PARD3: variants seen among roughly 807,000 people sequenced by gnomAD.
PARD3 encodes the protein partitioning defective 3 homolog.
PARD3 carries 75 observed loss-of-function variants against 155.4 expected under a neutral mutation model. The observed-to-expected ratio is 0.48, with a 90% CI of 0.40 to 0.58. The LOEUF is 0.58. Among genes scored for constraint, PARD3 ranks in the 20% least tolerant of loss-of-function variants. PARD3 has a pLI of 0.00. For synonymous variants in PARD3, 576 were observed against 610.5 expected (o/e 0.94, Z 0.83); for missense variants, 1,642 against 1,721.7 (o/e 0.95, Z 0.82).
At chr10:34,649,928 G>GAC (rs138875561) in intron 2 of PARD3, among the ~76,000 whole-genome samples, 4,131 of 150,050 alleles carry the variant, frequency 0.028, 195 homozygotes, top group African/African-American at 0.095. Flanking sequence ...GAAAAACTAA[G>GAC]ACACACACAC....
intron 22 of PARD3, among the ~76,000 whole-genome samples, chr10:34,265,770 T>A (rs910628184): frequency 1.4e-4 from 21 of 152,304 alleles, no homozygotes; most frequent in African/African-American, 4.6e-4. Flanking sequence ...GAAGGCACGA[T>A]GGAATGCTAT....
intron 22 of PARD3, among the ~76,000 whole-genome samples, chr10:34,217,546 T>A (rs1204502754): frequency 1.3e-5 from 2 of 151,914 alleles, no homozygotes; most frequent in Non-Finnish European, 2.9e-5. Flanking sequence ...GGGGGGCCGG[T>A]GTGTCAAGTG....
At position 34,479,160 on chromosome 10, in the gene PARD3, ATT is replaced by A. The variant is rs571846177; in HGVS notation, c.404-8899_404-8898del. On this transcript the variant is annotated intron_variant, in intron 3 of 24. Transcript: ENST00000374788. ...AGATTCTATGATTAGCTCAAATTTA[ATT>A]TTTTTTTTTTTTTTTTTGAGACAGA... Among the ~76,000 whole-genome samples the A allele has an allele frequency of 9.5e-4, 125 of 131,742 alleles. 1 individual carries two copies. The highest frequency in any genetic ancestry group is 8.2e-3 in the South Asian group (34 of 4,164). The allele number at this position is 131,742 out of a possible 152,430, so 86.4% of individuals were successfully genotyped here.
In PARD3 at chr10:34,211,735, G is replaced by C. The variant is rs541154968; in HGVS notation, c.3419+57922C>G. ...GCGGAGATTGCAGTGAGCCGAGATCGAGCCACTGCACTCCAGCCTGGGTGA... is the reference window on the plus strand; with the variant it reads ...GCGGAGATTGCAGTGAGCCGAGATCCAGCCACTGCACTCCAGCCTGGGTGA... On this transcript the variant is annotated intron_variant, in intron 22 of 24. Coordinates refer to ENST00000374788, the MANE Select transcript of PARD3 (RefSeq NM_001184785.2). Among the ~76,000 whole-genome samples, 6 of 151,934 alleles carry C rather than the reference G, an allele frequency of 3.9e-5. No homozygotes were observed. The South Asian group carries it at 1.3e-3, about 32-fold the overall frequency.
intron 22 of PARD3, among the ~76,000 whole-genome samples, chr10:34,228,389 C>T (rs922055027): frequency 2.0e-5 from 3 of 151,790 alleles, no homozygotes; most frequent in Admixed American, 6.6e-5. Flanking sequence ...CGTGTACCCC[C>T]GAACCAAAAC....
At chr10:34,511,126 A>G (rs747550762) in intron 3 of PARD3, among the ~76,000 whole-genome samples, 1 of 152,206 alleles carries the variant, frequency 6.6e-6, no homozygotes, top group Non-Finnish European at 1.5e-5. Flanking sequence ...CATTTGTCTT[A>G]CACAGTTTCC....
intron 3 of PARD3, among the ~76,000 whole-genome samples, chr10:34,477,558 T>C (rs1237436779): frequency 6.6e-6 from 1 of 152,186 alleles, no homozygotes; most frequent in African/African-American, 2.4e-5. Context: ...AGGTGCCTTT[T>C]AAATAAGTGG....
intron 15 of PARD3, among the ~76,000 whole-genome samples, chr10:34,342,682 A>G (rs769119057): frequency 6.6e-6 from 1 of 152,198 alleles, no homozygotes; most frequent in Non-Finnish European, 1.5e-5. Flanking sequence ...CACAAGCGTG[A>G]AGGATTTTTA....
intron 1 of PARD3, among the ~76,000 whole-genome samples, chr10:34,739,443 T>A (rs186355857): frequency 2.3e-4 from 35 of 152,260 alleles, no homozygotes; most frequent in African/African-American, 8.2e-4. Context: ...TACTGAGGAA[T>A]CCAGCAAGAT....
chr10:34,500,899 C>A (rs965504035), intron 3 of PARD3, among the ~76,000 whole-genome samples: 12 of 152,146 alleles, frequency 7.9e-5, no homozygotes, highest in Non-Finnish European at 1.5e-4. Context: ...TCCTAACATG[C>A]ACAATATTCA....
chr10:34,672,588 C>G (rs536469099), intron 2 of PARD3, among the ~76,000 whole-genome samples: 32 of 152,166 alleles, frequency 2.1e-4, no homozygotes, highest in Non-Finnish European at 4.1e-4. Context: ...GAGGCCAAGG[C>G]AGGAGGACTG....
intron 24 of PARD3, among the ~76,000 whole-genome samples, chr10:34,117,217 C>A (rs557781621): frequency 6.6e-6 from 1 of 152,162 alleles, no homozygotes; most frequent in Non-Finnish European, 1.5e-5. Context: ...CTCCTTCAAT[C>A]CTTAGAGACA....
chr10:34,113,604 G>C (rs1946510148), intron 24 of PARD3, among the ~76,000 whole-genome samples: 1 of 152,128 alleles, frequency 6.6e-6, no homozygotes, highest in South Asian at 2.1e-4. Flanking sequence ...ATTAAGGAGA[G>C]AATGAGAAAT....
At chr10:34,591,728 A>G (rs2088706812) in intron 2 of PARD3, among the ~76,000 whole-genome samples, 1 of 152,208 alleles carries the variant, frequency 6.6e-6, no homozygotes, top group Admixed American at 6.5e-5. Flanking sequence ...CTCAAGGAGC[A>G]AAAAGAAACT....
At chr10:34,620,066 G>A (rs2091548971) in intron 2 of PARD3, among the ~76,000 whole-genome samples, 1 of 152,130 alleles carries the variant, frequency 6.6e-6, no homozygotes, top group Non-Finnish European at 1.5e-5. Flanking sequence ...CTCTCATGGA[G>A]TTAAAAATAA....
chr10:34,482,032 C>CT (rs58877037), intron 3 of PARD3, among the ~76,000 whole-genome samples: 5,744 of 101,508 alleles, frequency 0.057, 271 homozygotes, highest in African/African-American at 0.065. Context: ...TAATTTTTAT[C>CT]TTTTTTTTTT....
chr10:34,157,254 C>T (rs1168482743), intron 22 of PARD3, among the ~76,000 whole-genome samples: 2 of 152,180 alleles, frequency 1.3e-5, no homozygotes, highest in African/African-American at 4.8e-5. Flanking sequence ...GAGTCAGATG[C>T]ATCCACACAT....
At chr10:34,493,593 G>T (rs2133347139) in intron 3 of PARD3, among the ~76,000 whole-genome samples, 1 of 152,042 alleles carries the variant, frequency 6.6e-6, no homozygotes, top group South Asian at 2.1e-4. Context: ...TTAGCTGGCT[G>T]TGGTGACAGG....
At position 34,417,799 on chromosome 10, in the gene PARD3, A is replaced by T. The variant is rs967394355; in HGVS notation, c.715-15882T>A. On this transcript the variant is annotated intron_variant, in intron 5 of 24. Coordinates refer to ENST00000374788, the MANE Select transcript of PARD3 (RefSeq NM_001184785.2). ...CAAAGAGAAATACCCTTCCTTAACC[A>T]AATTACCAATGTGATTTTATAAAAA... Among the ~76,000 whole-genome samples the T allele has an allele frequency of 4.6e-5, 7 of 152,326 alleles. 1 individual carries two copies. In the Middle Eastern group the frequency reaches 0.014, roughly 296 times the overall value.
Sources: allele counts gnomAD v4.1 joint callset (sites outside exome capture counted in the v4.1 genomes callset), GRCh38; gene constraint gnomAD v4.1.1; transcripts MANE v1.5; gene names NCBI Gene and HGNC (gene_info 2026-07-23, HGNC 2026-07-21).